Variants in ITFG1 observed in about 807,000 individuals in gnomAD.
ITFG1 encodes integrin alpha FG-GAP repeat containing 1, also known as T-cell immunomodulatory protein.
ITFG1 carries 34 observed loss-of-function variants against 81.8 expected under a neutral mutation model. The observed-to-expected ratio is 0.42, with a 90% CI of 0.32 to 0.55. The LOEUF (loss-of-function observed/expected upper bound fraction) is 0.55, where lower values mean the gene tolerates loss of function less well. Among genes scored for constraint, ITFG1 ranks in the 20% least tolerant of loss-of-function variants. ITFG1 has a pLI of 0.17. For synonymous variants in ITFG1, 285 were observed against 270.6 expected, an observed-to-expected ratio of 1.05 and a Z score of -0.52; for missense variants, 672 against 755.4, an observed-to-expected ratio of 0.89 and a Z score of 1.29.
intron 8 of ITFG1, among the ~76,000 whole-genome samples, chr16:47,350,218 C>G (rs1266611178): frequency 1.3e-5 from 2 of 151,982 alleles, no homozygotes; most frequent in Non-Finnish European, 1.5e-5. Context: ...AAGATCAGAC[C>G]AGAACTGAAG....
intron 14 of ITFG1, among the ~76,000 whole-genome samples, chr16:47,164,125 T>C (rs983952429): frequency 6.6e-6 from 1 of 152,144 alleles, no homozygotes; most frequent in Non-Finnish European, 1.5e-5. Context: ...AACTCTGGTA[T>C]CGCTTAACCC....
intron 6 of ITFG1, among the ~76,000 whole-genome samples, chr16:47,410,079 G>A (rs1189803326): frequency 1.3e-5 from 2 of 152,102 alleles, no homozygotes; most frequent in African/African-American, 4.8e-5. Flanking sequence ...TTCAAGACAA[G>A]CCTGGCCAAC....
intron 6 of ITFG1, among the ~76,000 whole-genome samples, chr16:47,415,727 C>A (rs915368572): frequency 1.3e-5 from 2 of 152,018 alleles, no homozygotes; most frequent in Non-Finnish European, 2.9e-5. Context: ...AAGGTAATAC[C>A]TAGTGCTGGC....
intron 6 of ITFG1, among the ~76,000 whole-genome samples, chr16:47,412,531 A>G (rs1968824532): frequency 6.6e-6 from 1 of 152,022 alleles, no homozygotes; most frequent in Non-Finnish European, 1.5e-5. Context: ...AAGATTTAAA[A>G]AAAAAGAAAA....
At chr16:47,214,921 A>AACAC (rs57114470) in intron 14 of ITFG1, among the ~76,000 whole-genome samples, 4,097 of 145,104 alleles carry the variant, frequency 0.028, 79 homozygotes, top group Middle Eastern at 0.042. Flanking sequence ...CCAGTGTGAA[A>AACAC]ACACACACAC....
In ITFG1 at chr16:47,308,128, G is replaced by A. The variant is rs560380336; in HGVS notation, c.1070+3112C>T. ...AACATACACGTGCATGTGTCTTTTC[G>A]GTAAAACAGTTTATTTTCCTTTGGG... On this transcript the variant is annotated intron_variant, in intron 10 of 17. Transcript: ENST00000320640. Among the ~76,000 whole-genome samples the A allele has an allele frequency of 5.3e-4, 80 of 152,124 alleles. 1 individual carries two copies. The South Asian group carries it at 0.015, about 28-fold the overall frequency.
intron 14 of ITFG1, among the ~76,000 whole-genome samples, chr16:47,167,174 A>G (rs1360823217): frequency 1.3e-5 from 2 of 152,178 alleles, no homozygotes; most frequent in African/African-American, 2.4e-5. Flanking sequence ...AGAAGGTACC[A>G]TACATGTGAC....
rs1966199447 is a variant in ITFG1 at position 47,260,677 on chromosome 16, T to C, written c.1089A>G (p.Leu363=). The change falls in exon 11 of 18, where the codon TTA becomes TTG. Residue 363 remains leucine, a synonymous_variant. Transcript: ENST00000320640. ...CATTATTACAAGGGACGTTCTCCAGTAAAAAGGCCTGCTGGTTGCTGTGCG... is the reference window on the plus strand; with the variant it reads ...CATTATTACAAGGGACGTTCTCCAGCAAAAAGGCCTGCTGGTTGCTGTGCG... ...NTSGSNQQAF[L]LENVPCNNAS... 1 of 1,614,062 alleles carries C rather than the reference T, an allele frequency of 6.2e-7. No individual in the cohort carries two copies.
chr16:47,231,158 CAG>C (rs1320676841), intron 13 of ITFG1, among the ~76,000 whole-genome samples: 2 of 152,208 alleles, frequency 1.3e-5, no homozygotes, highest in East Asian at 3.8e-4. Flanking sequence ...GGAATGTGCA[CAG>C]AGTCTTTTTG....
chr16:47,281,284 A>G (rs192783662), intron 10 of ITFG1, among the ~76,000 whole-genome samples: 12 of 152,194 alleles, frequency 7.9e-5, no homozygotes, highest in East Asian at 5.8e-4. Context: ...TCAATGTGCT[A>G]ATTTGTTGTT....
In ITFG1 at chr16:47,295,889, T is replaced by C. The variant is rs62060617; in HGVS notation, c.1070+15351A>G. Among the ~76,000 whole-genome samples, 688 of 152,180 alleles carry C rather than the reference T, an allele frequency of 4.5e-3. 3 individuals carry two copies. Among genetic ancestry groups the C allele is most frequent in the Admixed American group, 7.6e-3 (116 of 15,276 alleles). ...GTTTCTAGTTCCTTCAGGTTTGATG[T>C]TAGTTTGTTAATTACCTTTGTTTTG... is the stretch of plus-strand genomic sequence containing the variant. On this transcript the variant is annotated intron_variant, in intron 10 of 17. Coordinates refer to ENST00000320640, the MANE Select transcript of ITFG1 (RefSeq NM_030790.5).
intron 13 of ITFG1, among the ~76,000 whole-genome samples, chr16:47,227,391 AG>A (rs574972233): frequency 6.6e-6 from 1 of 152,188 alleles, no homozygotes; most frequent in Non-Finnish European, 1.5e-5. Context: ...GAAAGAATTC[AG>A]GGAAGTTAAA....
chr16:47,214,354 G>A (rs974772932), intron 14 of ITFG1, among the ~76,000 whole-genome samples: 21 of 152,174 alleles, frequency 1.4e-4, no homozygotes, highest in African/African-American at 5.1e-4. Flanking sequence ...TTTTGCTCTG[G>A]ATTTAAACAG....
intron 8 of ITFG1, among the ~76,000 whole-genome samples, chr16:47,341,043 A>T (rs1967774925): frequency 6.6e-6 from 1 of 152,170 alleles, no homozygotes; most frequent in Admixed American, 6.5e-5. Flanking sequence ...GAAGAGAAAC[A>T]AGAAAATTCA....
chr16:47,294,488 C>T (rs1966954335), intron 10 of ITFG1, among the ~76,000 whole-genome samples: 1 of 152,072 alleles, frequency 6.6e-6, no homozygotes, highest in Admixed American at 6.6e-5. Flanking sequence ...TGCTCCAGGA[C>T]CATGGGATGT....
chr16:47,222,551 CT>C (rs1965706335), intron 13 of ITFG1, among the ~76,000 whole-genome samples: 1 of 151,868 alleles, frequency 6.6e-6, no homozygotes, highest in African/African-American at 2.4e-5. Flanking sequence ...GTAGCTGGGA[CT>C]ACAGGCACCC....
chr16:47,241,546 C>G lies in ITFG1; in HGVS notation c.1331-3538G>C, dbSNP rs527550294. 4.6e-5 allele frequency among the ~76,000 whole-genome samples: 7 copies of G among 152,338 alleles called. No individual in the cohort carries two copies. The South Asian group carries it at 1.0e-3, about 23-fold the overall frequency. On this transcript the variant is annotated intron_variant, in intron 12 of 17. Coordinates refer to ENST00000320640, the MANE Select transcript of ITFG1 (RefSeq NM_030790.5). ...TATGCTAAGTGTAAGAAGCCAGTCA[C>G]ACATAACCATATATTATATGACCCC...
intron 6 of ITFG1, among the ~76,000 whole-genome samples, chr16:47,425,617 G>T (rs1215804291): frequency 6.8e-6 from 1 of 147,942 alleles, no homozygotes; most frequent in Non-Finnish European, 1.5e-5. Context: ...TCCAGACAAG[G>T]TCTGCACTCT....
chr16:47,362,059 AT>A (rs1968116481), intron 8 of ITFG1, among the ~76,000 whole-genome samples: 1 of 152,140 alleles, frequency 6.6e-6, no homozygotes, highest in Non-Finnish European at 1.5e-5. Flanking sequence ...CCCTCTCCTG[AT>A]TTACCTATCT....
Sources: gnomAD v4.1 joint callset for allele counts (sites outside exome capture counted in the v4.1 genomes callset) on GRCh38, gnomAD v4.1.1 for gene constraint, MANE v1.5 for transcripts, NCBI Gene and HGNC (gene_info 2026-07-23, HGNC 2026-07-21) for gene names.